Variants in TMEM117 observed in about 807,000 individuals in gnomAD.
TMEM117 encodes the protein transmembrane protein 117.
TMEM117 carries 27 observed loss-of-function variants against 52.4 expected under a neutral mutation model. The ratio of observed to expected loss-of-function variants is 0.51; its 90% CI spans 0.38 to 0.71. The LOEUF (loss-of-function observed/expected upper bound fraction) is 0.71, where lower values mean the gene tolerates loss of function less well. TMEM117 is among the 30% of genes least tolerant of loss of function. The pLI, the probability that TMEM117 is intolerant of heterozygous loss-of-function variation, is 0.00. For synonymous variants in TMEM117, 215 were observed against 206.3 expected (o/e 1.04, Z -0.36); for missense variants, 556 against 630.5 (o/e 0.88, Z 1.26).
intron 3 of TMEM117, among the ~76,000 whole-genome samples, chr12:44,014,257 A>G (rs1946340281): frequency 6.6e-6 from 1 of 152,042 alleles, no homozygotes; most frequent in Non-Finnish European, 1.5e-5. Context: ...TAACAGAATC[A>G]TTTTATCTTT....
At chr12:43,893,848 C>T (rs375398881) in intron 2 of TMEM117, among the ~76,000 whole-genome samples, 27 of 152,204 alleles carry the variant, frequency 1.8e-4, no homozygotes, top group African/African-American at 6.3e-4. Flanking sequence ...GTGCGTGACT[C>T]ATCAGCTGAA....
In TMEM117 at chr12:44,261,901, T is replaced by C. The variant is rs1296992686; in HGVS notation, c.609-37679T>C. Among the ~76,000 whole-genome samples the C allele has an allele frequency of 3.9e-5, 6 of 152,342 alleles. No homozygotes were observed. The South Asian group carries it at 8.3e-4, about 21-fold the overall frequency. The stretch of plus-strand genomic sequence containing the variant: ...TTTACACCCTGCAAGATTCATCTTA[T>C]TGTAATTCTCTATTGATTTGGGTAT... On this transcript the variant is annotated intron_variant, in intron 5 of 7. Transcript: ENST00000266534.
intron 6 of TMEM117, among the ~76,000 whole-genome samples, chr12:44,353,931 A>G (rs184227602): frequency 0.019 from 2,856 of 152,300 alleles, 55 homozygotes; most frequent in Non-Finnish European, 0.025. Flanking sequence ...ACCCATGAGC[A>G]TGGAATGTTC....
chr12:44,117,914 ATTGTT>A (rs1948172496), intron 3 of TMEM117, among the ~76,000 whole-genome samples: 1 of 152,046 alleles, frequency 6.6e-6, no homozygotes, highest in Admixed American at 6.6e-5. Context: ...TGGACTATCA[ATTGTT>A]TTGTTTGTAA....
At chr12:44,260,710 G>A (rs542141468) in intron 5 of TMEM117, among the ~76,000 whole-genome samples, 5 of 152,236 alleles carry the variant, frequency 3.3e-5, no homozygotes, top group Admixed American at 6.5e-5. Flanking sequence ...ATCTGTTTAC[G>A]GATAGAGATT....
At chr12:44,259,861 C>T (rs1291398504) in intron 5 of TMEM117, among the ~76,000 whole-genome samples, 2 of 152,100 alleles carry the variant, frequency 1.3e-5, no homozygotes, top group Non-Finnish European at 2.9e-5. Flanking sequence ...AGCACTACTG[C>T]TATTTGATGA....
intron 4 of TMEM117, among the ~76,000 whole-genome samples, chr12:44,163,310 G>A (rs1948922517): frequency 6.6e-6 from 1 of 152,118 alleles, no homozygotes; most frequent in Non-Finnish European, 1.5e-5. Context: ...ATGATCTCGT[G>A]ACATAACACT....
At chr12:43,970,147 C>T (rs113536960) in intron 3 of TMEM117, among the ~76,000 whole-genome samples, 21 of 152,192 alleles carry the variant, frequency 1.4e-4, no homozygotes, top group African/African-American at 3.4e-4. Context: ...CGGTTATCAC[C>T]GTCTTGGTTA....
chr12:44,368,835 T>A (rs936386393), intron 6 of TMEM117, among the ~76,000 whole-genome samples: 7 of 152,186 alleles, frequency 4.6e-5, no homozygotes, highest in African/African-American at 1.7e-4. Flanking sequence ...ATTTCATTCA[T>A]TCCTTATTGG....
At chr12:44,266,525 C>T (rs1950379771) in intron 5 of TMEM117, among the ~76,000 whole-genome samples, 1 of 152,088 alleles carries the variant, frequency 6.6e-6, no homozygotes, top group Admixed American at 6.6e-5. Context: ...ATATAAGGCA[C>T]ATATCTGATA....
the TMEM117 span, among the ~76,000 whole-genome samples, chr12:43,808,253 G>A: frequency 4.0e-3 from 607 of 152,258 alleles, 1 homozygote; most frequent in Non-Finnish European, 6.2e-3. Flanking sequence ...AGTCAAAATG[G>A]CTGAATATGG....
chr12:44,311,600 C>G (rs532201912), intron 6 of TMEM117, among the ~76,000 whole-genome samples: 1 of 151,600 alleles, frequency 6.6e-6, no homozygotes, highest in South Asian at 2.1e-4. Context: ...ATGACAGCTG[C>G]CACAGCCAAC....
chr12:43,803,920 C>T, the TMEM117 span, among the ~76,000 whole-genome samples: 2 of 152,038 alleles, frequency 1.3e-5, no homozygotes, highest in Admixed American at 6.5e-5. Flanking sequence ...AATAATTGTT[C>T]AAATTCAAAT....
intron 4 of TMEM117, among the ~76,000 whole-genome samples, chr12:44,180,858 G>T (rs1393899904): frequency 2.0e-5 from 3 of 151,914 alleles, no homozygotes; most frequent in Non-Finnish European, 4.4e-5. Context: ...AGTCCTTTGG[G>T]TATATACCCA....
chr12:43,843,458 C>T (rs1282535545), intron 1 of TMEM117, among the ~76,000 whole-genome samples: 1 of 152,126 alleles, frequency 6.6e-6, no homozygotes, highest in African/African-American at 2.4e-5. Context: ...CAGGCCGGTT[C>T]CCAAAGAGGG....
rs567338524 is a variant in TMEM117, at chr12:44,017,356, C to T, written c.410+73014C>T. Among the ~76,000 whole-genome samples, 556 of 110,630 alleles carry T rather than the reference C, an allele frequency of 5.0e-3. 6 individuals carry two copies. Among genetic ancestry groups the T allele is most frequent in the Non-Finnish European group, 4.4e-3 (243 of 55,460 alleles). 72.6% of individuals were successfully genotyped at this position (110,630 alleles called of 152,430 possible). On this transcript the variant is annotated intron_variant, in intron 3 of 7. Transcript: ENST00000266534. ...TTTTTTTTTTTTTTTGGTGATGAGA[C>T]AGATGGTATTTTTTTCTATAGATGC...
At chr12:43,837,758 C>T (rs189796605) in intron 1 of TMEM117, among the ~76,000 whole-genome samples, 1 of 152,220 alleles carries the variant, frequency 6.6e-6, no homozygotes, top group East Asian at 1.9e-4. Context: ...AATATTTTGC[C>T]ATTTCAATGG....
chr12:44,325,766 A>G (rs528459963), intron 6 of TMEM117, among the ~76,000 whole-genome samples: 5 of 152,288 alleles, frequency 3.3e-5, no homozygotes, highest in East Asian at 1.9e-4. Flanking sequence ...TTATGTCTGT[A>G]TGTGGTGTGG....
At chr12:43,873,730 T>C (rs564406240) in intron 2 of TMEM117, among the ~76,000 whole-genome samples, 3 of 152,166 alleles carry the variant, frequency 2.0e-5, no homozygotes, top group Non-Finnish European at 4.4e-5. Context: ...TTTTATTTTA[T>C]TTTTTCCTTT....
Sources: gnomAD v4.1 joint callset for allele counts (sites outside exome capture counted in the v4.1 genomes callset) on GRCh38, gnomAD v4.1.1 for gene constraint, MANE v1.5 for transcripts, NCBI Gene and HGNC (gene_info 2026-07-23, HGNC 2026-07-21) for gene names.